Variants in CD96 observed in about 807,000 individuals in gnomAD.
CD96 encodes CD96 molecule, also known as T-cell surface protein tactile.
A neutral mutation model predicts 71.3 loss-of-function variants in CD96; 70 were observed. The observed-to-expected ratio is 0.98, with a 90% CI of 0.81 to 1.20. The LOEUF is 1.20. Among genes scored for constraint, CD96 ranks in the 50% most tolerant of loss-of-function variants. CD96 has a pLI of 0.00. For missense variants in CD96, 742 were observed against 677.5 expected, an observed-to-expected ratio of 1.10 and a Z score of -1.06; for synonymous variants, 248 against 233.0, an observed-to-expected ratio of 1.06 and a Z score of -0.59.
intron 2 of CD96, among the ~76,000 whole-genome samples, chr3:111,551,305 TGA>T (rs1404311917): frequency 6.6e-6 from 1 of 152,174 alleles, no homozygotes; most frequent in Non-Finnish European, 1.5e-5. Context: ...TGGGAAGAAC[TGA>T]GAGTCCAGGT....
At chr3:111,610,082 G>A (rs1203186633) in intron 8 of CD96, among the ~76,000 whole-genome samples, 1 of 152,164 alleles carries the variant, frequency 6.6e-6, no homozygotes, top group Non-Finnish European at 1.5e-5. Flanking sequence ...AATTACAGTA[G>A]GTATCTCTTA....
intron 3 of CD96, chr3:111,577,591 A>T (rs539675728): frequency 7.8e-7 from 1 of 1,283,466 alleles, no homozygotes; most frequent in South Asian, 1.2e-5. Flanking sequence ...GCAGAGTATG[A>T]TTATTTGCAG....
intron 2 of CD96, among the ~76,000 whole-genome samples, chr3:111,561,494 GC>G (rs1282609392): frequency 1.4e-5 from 2 of 145,992 alleles, no homozygotes; most frequent in African/African-American, 4.9e-5. Flanking sequence ...TGCCCCTGCT[GC>G]GGGGTGCCTC....
rs374177461 is a variant in CD96, at chr3:111,624,357, G to A, written c.1274G>A (p.Arg425Gln). Residue 425 changes from arginine to glutamine, a missense_variant, in exon 10 of 14, where the codon CGA becomes CAA. Transcript: ENST00000352690. ...PQPSNSSMTT[R>Q]GFNYPWTSSG... ...GCCAGCAATTCCAGTATGACTACCCGAGGCTTCAACTATCCCTGGACCTCC... is the reference window on the plus strand; with the variant it reads ...GCCAGCAATTCCAGTATGACTACCCAAGGCTTCAACTATCCCTGGACCTCC... The A allele has an allele frequency of 1.7e-5, 28 of 1,612,198 alleles. No homozygotes were observed. The highest frequency in any genetic ancestry group is 6.6e-5 in the South Asian group (6 of 91,046).
At position 111,589,427 on chromosome 3, in the gene CD96, GCTAA is replaced by G. The variant is rs912287497; in HGVS notation, c.807+4054_807+4057del. On this transcript the variant is annotated intron_variant, in intron 5 of 13. Coordinates refer to ENST00000352690, the MANE Select transcript of CD96 (RefSeq NM_005816.5). ...TCCTCTTCTCTACCCTTGCTTTAGTGCTAACTAAGAAAACCAGAGAATTTTCCTT... is the reference window on the plus strand; with the variant it reads ...TCCTCTTCTCTACCCTTGCTTTAGTGCTAAGAAAACCAGAGAATTTTCCTT... Among the ~76,000 whole-genome samples, 37 of 152,306 alleles carry G rather than the reference GCTAA, an allele frequency of 2.4e-4. 1 individual carries two copies. Among genetic ancestry groups the G allele is most frequent in the African/African-American group, 5.8e-4 (24 of 41,562 alleles).
rs542465488 is a variant in CD96 at position 111,627,081 on chromosome 3, G to C, written c.1321+2677G>C. On this transcript the variant is annotated intron_variant, in intron 10 of 13. Transcript: ENST00000352690. ...AAAATATGTTCAGTAATAAGAAATG[G>C]CAAATAGGATGAGATAACTCAATGA... Among the ~76,000 whole-genome samples the C allele has an allele frequency of 3.3e-5, 5 of 152,302 alleles. No homozygotes were observed. In the East Asian group the frequency reaches 9.7e-4, roughly 29 times the overall value.
downstream of CD96, among the ~76,000 whole-genome samples, chr3:111,653,171 A>G (rs778301528): frequency 7.9e-5 from 12 of 152,322 alleles, no homozygotes; most frequent in Non-Finnish European, 1.3e-4. Flanking sequence ...TACCATCACC[A>G]TGAGAAGATC....
In CD96 at chr3:111,588,298, A is replaced by AAAAT. The variant is rs572144341; in HGVS notation, c.807+2920_807+2921insAAAT. Among the ~76,000 whole-genome samples, 657 of 152,352 alleles carry AAAAT rather than the reference A, an allele frequency of 4.3e-3. 5 individuals carry two copies. The highest frequency in any genetic ancestry group is 0.013 in the African/African-American group (553 of 41,582). On this transcript the variant is annotated intron_variant, in intron 5 of 13. Coordinates refer to ENST00000352690, the MANE Select transcript of CD96 (RefSeq NM_005816.5). Reference sequence around the variant, plus strand: ...TCTAGGGTAGGGGCAAAATGCCACCAGTCTCTTAACTAAAACATAACAAGA... The same window carrying AAAAT: ...TCTAGGGTAGGGGCAAAATGCCACCAAAATGTCTCTTAACTAAAACATAACAAGA...
rs553259006 is a variant in CD96, at chr3:111,610,914, T to C, written c.1180+4122T>C. On this transcript the variant is annotated intron_variant, in intron 8 of 13. Transcript: ENST00000352690. ...GGCAATCATCCAAGACACTTATTCA[T>C]GAAACTCATAAGTATGGAGCGCCTA... is the stretch of plus-strand genomic sequence containing the variant. 2.0e-5 allele frequency among the ~76,000 whole-genome samples: 3 copies of C among 152,292 alleles called. No individual in the cohort carries two copies. In the South Asian group the frequency reaches 6.2e-4, roughly 32 times the overall value.
chr3:111,555,897 T>C (rs1409459347), intron 2 of CD96, among the ~76,000 whole-genome samples: 1 of 152,306 alleles, frequency 6.6e-6, no homozygotes, highest in African/African-American at 2.4e-5. Context: ...TCCTGTTTCA[T>C]GTATGTTACC....
downstream of CD96, among the ~76,000 whole-genome samples, chr3:111,652,528 T>G (rs1423506845): frequency 6.6e-6 from 1 of 152,118 alleles, no homozygotes; most frequent in African/African-American, 2.4e-5. Flanking sequence ...ATAACATAAA[T>G]TCATGTAATT....
intron 3 of CD96, among the ~76,000 whole-genome samples, chr3:111,575,490 G>A (rs1390321811): frequency 6.6e-6 from 1 of 152,170 alleles, no homozygotes; most frequent in Non-Finnish European, 1.5e-5. Flanking sequence ...TCAACTTGTT[G>A]TTCATGGCCA....
chr3:111,593,528 G>T (rs202000750), intron 5 of CD96: 1 of 1,509,710 alleles, frequency 6.6e-7, no homozygotes, highest in East Asian at 2.3e-5. Context: ...TTTCAGAATA[G>T]ATTCTCCAAG....
At position 111,577,367 on chromosome 3, in the gene CD96, T is replaced by G. The variant is rs987563264; in HGVS notation, c.544-1660T>G. ...GTACCTGCCTTCTTAATTATTGACCTCCAGACTTGCCAGTGCTGAGTGACA... is the reference window on the plus strand; with the variant it reads ...GTACCTGCCTTCTTAATTATTGACCGCCAGACTTGCCAGTGCTGAGTGACA... On this transcript the variant is annotated intron_variant, in intron 3 of 13. Coordinates refer to ENST00000352690, the MANE Select transcript of CD96 (RefSeq NM_005816.5). 6.5e-6 allele frequency: 5 copies of G among 772,696 alleles called. No individual in the cohort carries two copies. The African/African-American group carries it at 8.5e-5, about 13-fold the overall frequency. 47.9% of individuals were successfully genotyped at this position (772,696 alleles called of 1,614,324 possible).
rs1937653702 is a variant in CD96 at position 111,607,056 on chromosome 3, T to C, written c.1180+264T>C. The stretch of plus-strand genomic sequence containing the variant: ...AGCCAATTTCAGAACATTTTCATCA[T>C]CTAATAAAGAAACTCCTAAACATAT... On this transcript the variant is annotated intron_variant, in intron 8 of 13. Coordinates refer to ENST00000352690, the MANE Select transcript of CD96 (RefSeq NM_005816.5). The C allele has an allele frequency of 7.7e-6, 4 of 517,812 alleles. No homozygotes were observed. The East Asian group carries it at 1.4e-4, about 18-fold the overall frequency. 32.1% of individuals were successfully genotyped at this position (517,812 alleles called of 1,614,324 possible).
At chr3:111,585,861 A>G (rs1334276480) in intron 5 of CD96, among the ~76,000 whole-genome samples, 1 of 152,076 alleles carries the variant, frequency 6.6e-6, no homozygotes, top group East Asian at 1.9e-4. Flanking sequence ...GGTAGTAATG[A>G]AGAAGGGCAG....
intron 2 of CD96, among the ~76,000 whole-genome samples, chr3:111,555,643 T>A (rs1479202049): frequency 6.6e-6 from 1 of 152,298 alleles, no homozygotes; most frequent in African/African-American, 2.4e-5. Context: ...TTTCAATTGC[T>A]ACTTTTATAA....
chr3:111,579,346 T>C lies in CD96; in HGVS notation c.751+112T>C, dbSNP rs757727884. ...CAGAGCAGCCACATGTGGGTAACAG[T>C]GCTGGAGTCTGTTTCCCTGGATACT... On this transcript the variant is annotated intron_variant, in intron 4 of 13. Transcript: ENST00000352690. 1.2e-5 allele frequency: 9 copies of C among 761,798 alleles called. 1 individual carries two copies. In the South Asian group the frequency reaches 1.3e-4, roughly 11 times the overall value. 47.2% of individuals were successfully genotyped at this position (761,798 alleles called of 1,614,324 possible).
At chr3:111,546,806 T>C (rs1018409694) in intron 2 of CD96, among the ~76,000 whole-genome samples, 5 of 151,998 alleles carry the variant, frequency 3.3e-5, no homozygotes, top group African/African-American at 1.2e-4. Context: ...AAATATGCTG[T>C]TGGAACAGTC....
Sources: gnomAD v4.1 joint callset for allele counts (sites outside exome capture counted in the v4.1 genomes callset) on GRCh38, gnomAD v4.1.1 for gene constraint, MANE v1.5 for transcripts, NCBI Gene and HGNC (gene_info 2026-07-23, HGNC 2026-07-21) for gene names.